CCDC148: variants seen among roughly 807,000 people sequenced by gnomAD.
CCDC148 encodes the protein coiled-coil domain containing 148.
A neutral mutation model predicts 85.7 loss-of-function variants in CCDC148; 89 were observed. The observed-to-expected ratio is 1.04, with a 90% CI of 0.87 to 1.24. The LOEUF is 1.24. Among genes scored for constraint, CCDC148 ranks in the 50% most tolerant of loss-of-function variants. The pLI is 0.00. For synonymous variants in CCDC148, 230 were observed against 213.9 expected (o/e 1.08, Z -0.66); for missense variants, 692 against 671.7 (o/e 1.03, Z -0.33).
chr2:158,326,969 T>C (rs1444788817), intron 7 of CCDC148, among the ~76,000 whole-genome samples: 1 of 152,168 alleles, frequency 6.6e-6, no homozygotes, highest in Non-Finnish European at 1.5e-5. Context: ...CCCTTACATA[T>C]TGTTCCATGT....
intron 10 of CCDC148, among the ~76,000 whole-genome samples, chr2:158,240,278 A>T (rs1291285157): frequency 1.3e-5 from 2 of 152,046 alleles, no homozygotes. Context: ...CTATAAGCCA[A>T]CTTTAGATCA....
intron 10 of CCDC148, among the ~76,000 whole-genome samples, chr2:158,234,305 A>G (rs1687996192): frequency 6.6e-6 from 1 of 152,184 alleles, no homozygotes; most frequent in Non-Finnish European, 1.5e-5. Flanking sequence ...CAATTTGGCA[A>G]CCATCCTGCC....
At chr2:158,336,952 T>A (rs990891413) in intron 7 of CCDC148, among the ~76,000 whole-genome samples, 1 of 152,140 alleles carries the variant, frequency 6.6e-6, no homozygotes, top group Non-Finnish European at 1.5e-5. Flanking sequence ...CCTAAGCTAT[T>A]TTATCCTCAA....
rs935890270 is a variant in CCDC148, at chr2:158,302,371, G to C, written c.1110+7062C>G. Among the ~76,000 whole-genome samples, 7 of 152,246 alleles carry C rather than the reference G, an allele frequency of 4.6e-5. No individual in the cohort carries two copies. The East Asian group carries it at 1.4e-3, about 29-fold the overall frequency. The stretch of plus-strand genomic sequence containing the variant: ...GAAACAGTCATAAAAGGAATGGGGA[G>C]AGTGGGCAAACTAAGGACAGGATGA... On this transcript the variant is annotated intron_variant, in intron 9 of 13. Transcript: ENST00000283233.
intron 1 of CCDC148, 150 bp downstream of exon 1, chr2:158,456,265 A>T (rs3796106): frequency 0.23 from 179,896 of 781,398 alleles, 23,927 homozygotes; most frequent in Non-Finnish European, 0.28. Flanking sequence ...AGTCTTTCAG[A>T]AGAGTTATGA....
chr2:158,396,873 T>C (rs1252975123), intron 1 of CCDC148, among the ~76,000 whole-genome samples: 3 of 152,206 alleles, frequency 2.0e-5, no homozygotes, highest in East Asian at 3.9e-4. Flanking sequence ...AAATTACTAC[T>C]ACTCTTAGGT....
chr2:158,418,967 T>A (rs1356396813), intron 1 of CCDC148, among the ~76,000 whole-genome samples: 3 of 152,146 alleles, frequency 2.0e-5, no homozygotes, highest in Non-Finnish European at 2.9e-5. Context: ...TTCCATTTTT[T>A]AGGGTCATAT....
At chr2:158,342,838 G>A (rs1416951745) in intron 3 of CCDC148, among the ~76,000 whole-genome samples, 1 of 152,108 alleles carries the variant, frequency 6.6e-6, no homozygotes, top group Non-Finnish European at 1.5e-5. Flanking sequence ...GGGAGAAAGC[G>A]CCTCTGGAAA....
intron 10 of CCDC148, among the ~76,000 whole-genome samples, chr2:158,223,489 C>G (rs1441086577): frequency 1.3e-5 from 2 of 152,210 alleles, no homozygotes; most frequent in Non-Finnish European, 2.9e-5. Context: ...TCCCACCACA[C>G]AGCTGGAGAT....
intron 11 of CCDC148, among the ~76,000 whole-genome samples, chr2:158,210,299 C>CA (rs751835295): frequency 2.0e-5 from 3 of 151,930 alleles, no homozygotes; most frequent in Non-Finnish European, 4.4e-5. Flanking sequence ...CAGGAGCACT[C>CA]AGATTCATAA....
intron 1 of CCDC148, among the ~76,000 whole-genome samples, chr2:158,418,835 T>C (rs963098958): frequency 2.0e-5 from 3 of 152,136 alleles, no homozygotes; most frequent in Non-Finnish European, 4.4e-5. Context: ...ATAGGAAGCA[T>C]ACAATAAACG....
intron 8 of CCDC148, among the ~76,000 whole-genome samples, chr2:158,311,586 T>C (rs1242102294): frequency 1.3e-5 from 2 of 152,210 alleles, no homozygotes; most frequent in African/African-American, 4.8e-5. Flanking sequence ...GTAATGATTC[T>C]ATGAGCAGAA....
chr2:158,180,049 T>C (rs1684816001), intron 11 of CCDC148, among the ~76,000 whole-genome samples: 1 of 152,144 alleles, frequency 6.6e-6, no homozygotes, highest in South Asian at 2.1e-4. Context: ...ATGGAATTCA[T>C]CCTTTCAAAA....
At chr2:158,299,376 A>G (rs1691341617) in intron 9 of CCDC148, among the ~76,000 whole-genome samples, 1 of 152,224 alleles carries the variant, frequency 6.6e-6, no homozygotes, top group African/African-American at 2.4e-5. Flanking sequence ...GAGGCTCTTT[A>G]TCTGCCAGTC....
intron 9 of CCDC148, among the ~76,000 whole-genome samples, chr2:158,270,798 G>A (rs1366889163): frequency 1.3e-5 from 2 of 152,120 alleles, no homozygotes; most frequent in Non-Finnish European, 2.9e-5. Flanking sequence ...ACTGTTACCA[G>A]GGGGGAGTAC....
rs1683778195 is a variant in CCDC148 at position 158,358,555 on chromosome 2, T to C, written c.41A>G (p.His14Arg). 2 of 1,583,462 alleles carry C rather than the reference T, an allele frequency of 1.3e-6. No homozygotes were observed. The highest frequency in any genetic ancestry group is 1.1e-5 in the South Asian group (1 of 87,376). ...ASASPDNLVF[H>R]MKNEMRNIKY... is the part of the protein sequence containing the mutation. ...GATGTTTCTCATCTCATTTTTCATA[T>C]GGAATACCAGATTATCTATTAGTCA... Residue 14 changes from histidine (H) to arginine (R), a missense_variant, in exon 2 of 14, where the codon CAT becomes CGT. His to Arg is a conservative substitution (Grantham distance 29, BLOSUM62 0). Transcript: ENST00000283233.
intron 9 of CCDC148, among the ~76,000 whole-genome samples, chr2:158,300,713 G>A (rs536175605): frequency 6.6e-6 from 1 of 152,324 alleles, no homozygotes; most frequent in Admixed American, 6.5e-5. Context: ...ATTGTAATGT[G>A]TAAAATGGAG....
intron 9 of CCDC148, among the ~76,000 whole-genome samples, chr2:158,275,190 A>G (rs1450425303): frequency 1.3e-5 from 2 of 152,336 alleles, no homozygotes; most frequent in Admixed American, 1.3e-4. Context: ...TGTAGAATAA[A>G]TTCTAGTCCC....
intron 1 of CCDC148, among the ~76,000 whole-genome samples, chr2:158,419,663 GC>G (rs1686675596): frequency 6.6e-6 from 1 of 152,082 alleles, no homozygotes; most frequent in Non-Finnish European, 1.5e-5. Context: ...ATAAAAGGCA[GC>G]TAAGCCAAAC....
Sources: allele counts gnomAD v4.1 joint callset (sites outside exome capture counted in the v4.1 genomes callset), GRCh38; gene constraint gnomAD v4.1.1; transcripts MANE v1.5; gene names NCBI Gene and HGNC (gene_info 2026-07-23, HGNC 2026-07-21).